The following ROBO2 variants were observed in gnomAD, a reference collection of about 807,000 sequenced individuals.
ROBO2 encodes the protein roundabout guidance receptor 2.
Under a neutral mutation model 160.8 loss-of-function variants are expected in ROBO2, and 53 were observed. The ratio of observed to expected loss-of-function variants is 0.33; its 90% CI spans 0.26 to 0.41. ROBO2 has a LOEUF of 0.41. Ranked by LOEUF, ROBO2 falls within the 10% of genes least tolerant of loss-of-function variation. The pLI is 1.00. For missense variants in ROBO2, 1,577 were observed against 1,722.4 expected (o/e 0.92, Z 1.49); for synonymous variants, 664 against 611.7 (o/e 1.09, Z -1.26).
chr3:76,608,809 T>C (rs2087856810), intron 2 of ROBO2, among the ~76,000 whole-genome samples: 1 of 152,188 alleles, frequency 6.6e-6, no homozygotes, highest in Admixed American at 6.5e-5. Flanking sequence ...CAGCACCTTG[T>C]ATTTTTTAAA....
chr3:76,950,108 G>A (rs1176129425), intron 2 of ROBO2, among the ~76,000 whole-genome samples: 1 of 152,182 alleles, frequency 6.6e-6, no homozygotes, highest in Non-Finnish European at 1.5e-5. Context: ...CTGGGATGCA[G>A]TTCACAGAGG....
chr3:77,291,526 T>G (rs1217203935), intron 2 of ROBO2, among the ~76,000 whole-genome samples: 1 of 146,292 alleles, frequency 6.8e-6, no homozygotes, highest in Non-Finnish European at 1.5e-5. Flanking sequence ...GTTAAAAGGG[T>G]AGGCTGAGGC....
intron 2 of ROBO2, among the ~76,000 whole-genome samples, chr3:77,347,146 T>C (rs1195035778): frequency 1.3e-5 from 2 of 152,088 alleles, no homozygotes; most frequent in African/African-American, 4.8e-5. Flanking sequence ...TCCATTTAAG[T>C]TTAGTTCTCA....
chr3:77,425,800 A>G (rs2078144002), intron 2 of ROBO2, among the ~76,000 whole-genome samples: 1 of 151,846 alleles, frequency 6.6e-6, no homozygotes, highest in Non-Finnish European at 1.5e-5. Context: ...AGTAGCTGGA[A>G]TTACAGGCAT....
intron 2 of ROBO2, among the ~76,000 whole-genome samples, chr3:77,409,027 C>T (rs923573155): frequency 6.6e-6 from 1 of 151,170 alleles, no homozygotes; most frequent in African/African-American, 2.4e-5. Context: ...AGCCATCATA[C>T]CTGGAATCCA....
At chr3:77,037,806 A>G (rs2063727946), upstream of ROBO2, among the ~76,000 whole-genome samples, 1 of 152,222 alleles carries the variant, frequency 6.6e-6, no homozygotes, top group Admixed American at 6.5e-5. Flanking sequence ...GAAATCCTCC[A>G]ATGTCTTCCT....
chr3:77,284,796 A>T (rs2060473578), intron 2 of ROBO2, among the ~76,000 whole-genome samples: 1 of 152,134 alleles, frequency 6.6e-6, no homozygotes, highest in Non-Finnish European at 1.5e-5. Context: ...AATAGGCTGT[A>T]TATTGTAAAG....
chr3:76,203,891 T>C (rs1702680130), intron 2 of ROBO2, among the ~76,000 whole-genome samples: 1 of 152,224 alleles, frequency 6.6e-6, no homozygotes, highest in African/African-American at 2.4e-5. Flanking sequence ...GATCTTTTCT[T>C]TGCTGTTTAG....
At chr3:76,440,732 C>T (rs1234056403) in intron 2 of ROBO2, among the ~76,000 whole-genome samples, 3 of 152,094 alleles carry the variant, frequency 2.0e-5, no homozygotes, top group Admixed American at 2.0e-4. Flanking sequence ...TCTGCTTGCC[C>T]TAACAAGGGC....
chr3:76,217,420 A>T (rs1489987256), intron 2 of ROBO2, among the ~76,000 whole-genome samples: 1 of 152,188 alleles, frequency 6.6e-6, no homozygotes, highest in Non-Finnish European at 1.5e-5. Context: ...CCTCTAGAAG[A>T]CTAATAAAGA....
rs1485775962 is a variant in ROBO2 at position 76,962,177 on chromosome 3, A to G, written c.110-135837A>G. ...TGCCACAACCCTGTCTCTACTAGAAATACAAAAATTAGCTGGGTGTGGTGG... is the reference window on the plus strand; with the variant it reads ...TGCCACAACCCTGTCTCTACTAGAAGTACAAAAATTAGCTGGGTGTGGTGG... On this transcript the variant is annotated intron_variant, in intron 2 of 26. Coordinates refer to the ROBO2 transcript ENST00000487694. Among the ~76,000 whole-genome samples, 3 of 152,272 alleles carry G rather than the reference A, an allele frequency of 2.0e-5. No individual in the cohort carries two copies. In the East Asian group the frequency reaches 5.8e-4, roughly 29 times the overall value.
At chr3:77,173,613 T>C (rs1204293771) in intron 2 of ROBO2, among the ~76,000 whole-genome samples, 1 of 152,030 alleles carries the variant, frequency 6.6e-6, no homozygotes, top group East Asian at 1.9e-4. Context: ...GTAAAATAGG[T>C]CTTGGCACCA....
chr3:76,911,793 C>G (rs577110902), intron 2 of ROBO2, among the ~76,000 whole-genome samples: 3 of 123,212 alleles, frequency 2.4e-5, no homozygotes, highest in African/African-American at 1.3e-4. Context: ...ACAACAATAA[C>G]AACAACAACA....
chr3:77,122,021 G>GT (rs2074827347), intron 2 of ROBO2, among the ~76,000 whole-genome samples: 1 of 152,068 alleles, frequency 6.6e-6, no homozygotes, highest in Admixed American at 6.5e-5. Flanking sequence ...ATTTCCATGT[G>GT]TTAGTTCAAT....
chr3:77,113,235 A>T (rs1243867716), intron 2 of ROBO2, among the ~76,000 whole-genome samples: 1 of 152,156 alleles, frequency 6.6e-6, no homozygotes, highest in Non-Finnish European at 1.5e-5. Context: ...TGATAGAAAG[A>T]CTGATTTATT....
At chr3:76,316,812 GA>G (rs2072070433) in intron 2 of ROBO2, among the ~76,000 whole-genome samples, 1 of 152,160 alleles carries the variant, frequency 6.6e-6, no homozygotes, top group Non-Finnish European at 1.5e-5. Context: ...ATATTAAAAT[GA>G]AATCTTCACA....
At chr3:76,986,836 A>G (rs1481074897) in intron 2 of ROBO2, among the ~76,000 whole-genome samples, 1 of 152,144 alleles carries the variant, frequency 6.6e-6, no homozygotes, top group Non-Finnish European at 1.5e-5. Flanking sequence ...TCTTTAATTG[A>G]TATCTATTAT....
At chr3:77,044,153 A>C (rs2149638385) in intron 1 of ROBO2, among the ~76,000 whole-genome samples, 1 of 151,460 alleles carries the variant, frequency 6.6e-6, no homozygotes, top group Admixed American at 6.6e-5. Flanking sequence ...TAGAACATTA[A>C]GCAAAAATAT....
intron 2 of ROBO2, among the ~76,000 whole-genome samples, chr3:76,054,132 T>C (rs1034266918): frequency 2.0e-5 from 3 of 152,166 alleles, no homozygotes; most frequent in Non-Finnish European, 4.4e-5. Flanking sequence ...ATATTTTTAC[T>C]TGAATATTTA....
Sources: allele counts gnomAD v4.1 joint callset (sites outside exome capture counted in the v4.1 genomes callset), GRCh38; gene constraint gnomAD v4.1.1; transcripts MANE v1.5; gene names NCBI Gene and HGNC (gene_info 2026-07-23, HGNC 2026-07-21).